Variants in SIMC1 observed in about 807,000 individuals in gnomAD.
SIMC1 encodes the protein SUMO-interacting motif-containing protein 1.
Under a neutral mutation model 82.3 loss-of-function variants are expected in SIMC1, and 55 were observed. The observed-to-expected ratio is 0.67, with a 90% CI of 0.54 to 0.84. The LOEUF is 0.84. SIMC1 is among the 40% of genes least tolerant of loss of function. SIMC1 has a pLI of 0.00. For synonymous variants in SIMC1, 353 were observed against 426.3 expected, an observed-to-expected ratio of 0.83 and a Z score of 2.12; for missense variants, 915 against 1,107.2, an observed-to-expected ratio of 0.83 and a Z score of 2.46.
At chr5:176,296,676 A>C (rs961183454) in intron 4 of SIMC1, 16 of 209,564 alleles carry the variant, frequency 7.6e-5, no homozygotes, top group South Asian at 6.4e-4. Context: ...CTTAAAAGAA[A>C]AAAGAAAAGT....
At chr5:176,283,570 A>G (rs550962965) in intron 1 of SIMC1, among the ~76,000 whole-genome samples, 1 of 152,376 alleles carries the variant, frequency 6.6e-6, no homozygotes, top group South Asian at 2.1e-4. Flanking sequence ...CTGCAAAACC[A>G]TGCCAAATTG....
intron 1 of SIMC1, among the ~76,000 whole-genome samples, chr5:176,252,064 GTCA>G (rs1761676738): frequency 6.6e-6 from 1 of 152,090 alleles, no homozygotes; most frequent in South Asian, 2.1e-4. Context: ...AACCACCATT[GTCA>G]TCATGGCCCG....
rs769940697 is a variant in SIMC1, at chr5:176,296,348, C to A, written c.1734+28C>A. On this transcript the variant is annotated intron_variant, in intron 4 of 9. Transcript: ENST00000429602. The stretch of plus-strand genomic sequence containing the variant: ...AACAACAATTATAAGATTATATCTT[C>A]TGTAGGGGAAGTTTTAACTATAAAG... 1.9e-6 allele frequency: 3 copies of A among 1,612,510 alleles called. No individual in the cohort carries two copies. The African/African-American group carries it at 4.0e-5, about 22-fold the overall frequency.
rs780681059 is a variant in SIMC1 at position 176,345,357 on chromosome 5, A to G, written c.2588A>G (p.Lys863Arg). The change falls in exon 10 of 10, where the codon AAA becomes AGA. Residue 863 changes from lysine (K) to arginine (R), a missense_variant. Lys to Arg is a conservative substitution (Grantham distance 26, BLOSUM62 2). Coordinates refer to ENST00000429602, the MANE Select transcript of SIMC1 (RefSeq NM_001308195.2). ...CCTCTTGTCCCCCAACTCCAAGACA[A>G]AGTGCACTTGTTGAAGCTCCTGCTC... ...GEPLVPQLQD[K>R]VHLLKLLLFY... 3 of 1,613,896 alleles carry G rather than the reference A, an allele frequency of 1.9e-6. No individual in the cohort carries two copies. Among genetic ancestry groups the G allele is most frequent in the Non-Finnish European group, 1.7e-6 (2 of 1,179,876 alleles).
intron 9 of SIMC1, among the ~76,000 whole-genome samples, chr5:176,343,316 TGAG>T (rs993930406): frequency 5.9e-5 from 9 of 152,288 alleles, no homozygotes; most frequent in African/African-American, 1.9e-4. Context: ...GTTTGATAAA[TGAG>T]GAGACTGAGA....
intron 4 of SIMC1, chr5:176,307,946 A>C (rs1352020389): frequency 3.5e-6 from 2 of 570,172 alleles, no homozygotes; most frequent in Non-Finnish European, 6.3e-6. Context: ...CAAATGTTCA[A>C]AGCAGTGTTA....
intron 1 of SIMC1, among the ~76,000 whole-genome samples, chr5:176,275,346 T>A (rs1482388310): frequency 6.6e-6 from 1 of 151,954 alleles, no homozygotes; most frequent in Non-Finnish European, 1.5e-5. Flanking sequence ...TTGCTGAAGT[T>A]GCTTATCAGC....
At chr5:176,300,871 G>C (rs1458676845) in intron 4 of SIMC1, among the ~76,000 whole-genome samples, 1 of 152,016 alleles carries the variant, frequency 6.6e-6, no homozygotes, top group Non-Finnish European at 1.5e-5. Flanking sequence ...GTAATTCCTA[G>C]AAACCTACCA....
chr5:176,305,136 AGG>A (rs571678400), intron 4 of SIMC1, among the ~76,000 whole-genome samples: 7 of 32,684 alleles, frequency 2.1e-4, no homozygotes, highest in East Asian at 1.2e-3. Context: ...GCCATCCAGG[AGG>A]GGGGGGGGGT....
At chr5:176,299,392 TA>T (rs567330074) in intron 4 of SIMC1, among the ~76,000 whole-genome samples, 17,510 of 132,142 alleles carry the variant, frequency 0.13, 985 homozygotes, top group Admixed American at 0.17. Flanking sequence ...ACCCTGTCTC[TA>T]AAAAAAAAAA....
At position 176,335,693 on chromosome 5, in the gene SIMC1, G is replaced by A. The variant is rs147368308; in HGVS notation, c.2172-1027G>A. Reference sequence around the variant, plus strand: ...TTGTAGATCTCTGAGTTTACCATCTGCAGATTATAAAGCAAGCCCTGGCAC... The same window carrying A: ...TTGTAGATCTCTGAGTTTACCATCTACAGATTATAAAGCAAGCCCTGGCAC... On this transcript the variant is annotated intron_variant, in intron 7 of 9. Coordinates refer to ENST00000429602, the MANE Select transcript of SIMC1 (RefSeq NM_001308195.2). Among the ~76,000 whole-genome samples the A allele has an allele frequency of 2.5e-3, 382 of 149,914 alleles. 3 individuals are homozygous for A. Among genetic ancestry groups the A allele is most frequent in the African/African-American group, 8.9e-3 (360 of 40,606 alleles).
intron 1 of SIMC1, among the ~76,000 whole-genome samples, chr5:176,284,897 A>C (rs1447685532): frequency 1.3e-5 from 2 of 152,042 alleles, no homozygotes; most frequent in African/African-American, 2.4e-5. Context: ...CAAGACTAAA[A>C]CAGGAAGAAG....
chr5:176,260,005 A>G (rs1761962979), intron 1 of SIMC1, among the ~76,000 whole-genome samples: 1 of 148,578 alleles, frequency 6.7e-6, no homozygotes, highest in Admixed American at 6.7e-5. Flanking sequence ...AAATTTATAT[A>G]TATTTATATA....
rs1433777924 is a variant in SIMC1, at chr5:176,337,053, TC to T, written c.2329-8del. 3 of 1,613,392 alleles carry T rather than the reference TC, an allele frequency of 1.9e-6. No individual in the cohort carries two copies. Among genetic ancestry groups the T allele is most frequent in the Non-Finnish European group, 2.5e-6 (3 of 1,179,684 alleles). On this transcript the variant is annotated splice_polypyrimidine_tract_variant and splice_region_variant and intron_variant, in intron 8 of 9. Coordinates refer to ENST00000429602, the MANE Select transcript of SIMC1 (RefSeq NM_001308195.2). ...CATTTATTATCAATCCATTTTACTA[TC>T]TCTGCAGTCAGATAAAAGCCAGTGG...
chr5:176,311,798 C>A lies in SIMC1; in HGVS notation c.1735-1893C>A, dbSNP rs368401777. Among the ~76,000 whole-genome samples, 9 of 152,300 alleles carry A rather than the reference C, an allele frequency of 5.9e-5. No homozygotes were observed. In the South Asian group the frequency reaches 8.3e-4, roughly 14 times the overall value. The stretch of plus-strand genomic sequence containing the variant: ...TAACAGAATCCTGACACTGTAAACA[C>A]TATGTAGTTATAACATTTAGAATCA... On this transcript the variant is annotated intron_variant, in intron 4 of 9. Coordinates refer to ENST00000429602, the MANE Select transcript of SIMC1 (RefSeq NM_001308195.2).
chr5:176,342,393 T>A (rs548188837), intron 9 of SIMC1, among the ~76,000 whole-genome samples: 191 of 152,330 alleles, frequency 1.3e-3, no homozygotes, highest in African/African-American at 4.5e-3. Context: ...CTGATTTTTT[T>A]AAGTTTCTCG....
chr5:176,307,693 G>A (rs902542880), intron 4 of SIMC1, among the ~76,000 whole-genome samples: 3 of 152,190 alleles, frequency 2.0e-5, no homozygotes, highest in Non-Finnish European at 4.4e-5. Flanking sequence ...AAGCCACCAC[G>A]CCTGGCCTTT....
rs557450324 is a variant in SIMC1, at chr5:176,308,700, G to A, written c.1735-4991G>A. ...GGAAGAGGAAAGGTATGAGAGAATC[G>A]AAATCCCAATCCATATTGTACCTCA... is the stretch of plus-strand genomic sequence containing the variant. On this transcript the variant is annotated intron_variant, in intron 4 of 9. Coordinates refer to ENST00000429602, the MANE Select transcript of SIMC1 (RefSeq NM_001308195.2). 6.0e-6 allele frequency: 9 copies of A among 1,504,300 alleles called. No individual in the cohort carries two copies. In the East Asian group the frequency reaches 9.0e-5, roughly 15 times the overall value. 93.2% of individuals were successfully genotyped at this position (1,504,300 alleles called of 1,614,324 possible).
At chr5:176,305,215 G>A (rs1317880698) in intron 4 of SIMC1, among the ~76,000 whole-genome samples, 10 of 64,074 alleles carry the variant, frequency 1.6e-4, no homozygotes, top group Admixed American at 2.9e-4. Context: ...CGCCCGGCCA[G>A]CCGCCCCGTC....
Sources: gnomAD v4.1 joint callset for allele counts (sites outside exome capture counted in the v4.1 genomes callset) on GRCh38, gnomAD v4.1.1 for gene constraint, MANE v1.5 for transcripts, NCBI Gene and HGNC (gene_info 2026-07-23, HGNC 2026-07-21) for gene names.